Variants in BMPR1B observed in about 807,000 individuals in gnomAD.
BMPR1B encodes bone morphogenetic protein receptor type-1B.
BMPR1B carries 12 observed loss-of-function variants against 59.1 expected under a neutral mutation model. The ratio of observed to expected loss-of-function variants is 0.20; its 90% CI spans 0.13 to 0.33. The LOEUF (loss-of-function observed/expected upper bound fraction) is 0.33. Ranked by LOEUF, BMPR1B falls within the 10% of genes least tolerant of loss-of-function variation. The probability of loss-of-function intolerance (pLI) is 1.00; values close to 1 mark genes in which losing one functional copy is unlikely to be tolerated. For missense variants in BMPR1B, 550 were observed against 610.9 expected (o/e 0.90, Z 1.05); for synonymous variants, 237 against 207.3 (o/e 1.14, Z -1.23).
At position 94,927,898 on chromosome 4, in the gene BMPR1B, C is replaced by T. The variant is rs150030282; in HGVS notation, c.-113+51998C>T. Among the ~76,000 whole-genome samples the T allele has an allele frequency of 1.7e-3, 260 of 152,150 alleles. 3 individuals carry two copies. The Middle Eastern group carries it at 0.02, about 12-fold the overall frequency. ...TAAAGAAAGAGACCATTGCCTGGCACATCGAGTATGTGGAATCCATTGTAT... is the reference window on the plus strand; with the variant it reads ...TAAAGAAAGAGACCATTGCCTGGCATATCGAGTATGTGGAATCCATTGTAT... On this transcript the variant is annotated intron_variant, in intron 2 of 12. Transcript: ENST00000515059.
Position 94,814,446 on chromosome 4 carries a change from A to G in BMPR1B, c.-183+56378A>G, listed in dbSNP as rs145416090. On this transcript the variant is annotated intron_variant, in intron 1 of 12. Transcript: ENST00000515059. ...CTGACAGGCTCATACAGTGAGTGCC[A>G]AAGAGAATAATTGCTTGGTGGTTAG... Among the ~76,000 whole-genome samples, 174 of 152,356 alleles carry G rather than the reference A, an allele frequency of 1.1e-3. 1 individual carries two copies. The highest frequency in any genetic ancestry group is 3.8e-3 in the African/African-American group (159 of 41,576).
chr4:94,995,403 ATTAC>A (rs1284905820), intron 2 of BMPR1B, among the ~76,000 whole-genome samples: 2 of 151,944 alleles, frequency 1.3e-5, no homozygotes, highest in African/African-American at 4.8e-5. Flanking sequence ...TTTGTGACCA[ATTAC>A]TTAGTCACTG....
chr4:94,761,793 C>A (rs1721783701), intron 1 of BMPR1B, among the ~76,000 whole-genome samples: 1 of 151,992 alleles, frequency 6.6e-6, no homozygotes, highest in Non-Finnish European at 1.5e-5. Context: ...CTTAGAGATA[C>A]TATTAATAAT....
chr4:94,767,893 C>A (rs1233460945), intron 1 of BMPR1B, among the ~76,000 whole-genome samples: 1 of 151,954 alleles, frequency 6.6e-6, no homozygotes, highest in Non-Finnish European at 1.5e-5. Context: ...GTTGTAAAAA[C>A]TTCTTAATTC....
intron 4 of BMPR1B, among the ~76,000 whole-genome samples, chr4:95,113,984 C>G (rs1376316785): frequency 6.6e-6 from 1 of 151,970 alleles, no homozygotes; most frequent in Non-Finnish European, 1.5e-5. Context: ...AATTTTATTT[C>G]CTCTCCACTG....
intron 10 of BMPR1B, among the ~76,000 whole-genome samples, chr4:95,135,165 T>G (rs987215728): frequency 6.6e-6 from 1 of 152,210 alleles, no homozygotes; most frequent in Non-Finnish European, 1.5e-5. Context: ...AAGGGTCAGA[T>G]AGTTGTAGAT....
chr4:94,862,178 T>C (rs1421514365), intron 1 of BMPR1B, among the ~76,000 whole-genome samples: 8 of 150,774 alleles, frequency 5.3e-5, no homozygotes, highest in Non-Finnish European at 8.9e-5. Flanking sequence ...TGAGATGGAG[T>C]CTTGCTGTGT....
At chr4:94,942,924 C>T (rs1014720048) in intron 2 of BMPR1B, among the ~76,000 whole-genome samples, 1 of 152,162 alleles carries the variant, frequency 6.6e-6, no homozygotes, top group Non-Finnish European at 1.5e-5. Context: ...ATACATGATA[C>T]TGTATTGTAG....
chr4:94,843,188 C>G (rs1578709263), intron 1 of BMPR1B, among the ~76,000 whole-genome samples: 1 of 152,200 alleles, frequency 6.6e-6, no homozygotes, highest in Non-Finnish European at 1.5e-5. Context: ...GGCAGACTGA[C>G]TCTGACATCC....
At chr4:94,978,859 C>T (rs1024769803) in intron 2 of BMPR1B, among the ~76,000 whole-genome samples, 15 of 151,770 alleles carry the variant, frequency 9.9e-5, no homozygotes, top group African/African-American at 3.6e-4. Context: ...TTCCACATGG[C>T]TGGGGAGGCC....
chr4:94,889,533 A>G (rs1449562974), intron 2 of BMPR1B, among the ~76,000 whole-genome samples: 2 of 152,152 alleles, frequency 1.3e-5, no homozygotes, highest in Non-Finnish European at 2.9e-5. Flanking sequence ...GTGTTTATCA[A>G]AAACAAATAA....
At chr4:94,903,962 C>G (rs1727931015) in intron 2 of BMPR1B, among the ~76,000 whole-genome samples, 1 of 152,004 alleles carries the variant, frequency 6.6e-6, no homozygotes, top group Non-Finnish European at 1.5e-5. Context: ...CACAGCAGCC[C>G]TAGCAAACTA....
intron 3 of BMPR1B, among the ~76,000 whole-genome samples, chr4:95,055,945 A>G (rs1726897152): frequency 6.6e-6 from 1 of 152,204 alleles, no homozygotes; most frequent in Admixed American, 6.5e-5. Flanking sequence ...CAGATATTTT[A>G]TTGATTTAGA....
intron 2 of BMPR1B, among the ~76,000 whole-genome samples, chr4:94,913,846 G>T (rs963956185): frequency 6.6e-6 from 1 of 152,112 alleles, no homozygotes; most frequent in African/African-American, 2.4e-5. Flanking sequence ...GCCATGTGTG[G>T]CTATTGAGCT....
intron 3 of BMPR1B, among the ~76,000 whole-genome samples, chr4:95,008,486 A>G (rs1306895502): frequency 6.6e-6 from 1 of 152,122 alleles, no homozygotes. Context: ...GAAAGTGCAG[A>G]TTGTTACTAC....
chr4:95,031,876 T>C (rs1724885011), intron 3 of BMPR1B, among the ~76,000 whole-genome samples: 1 of 152,102 alleles, frequency 6.6e-6, no homozygotes, highest in East Asian at 1.9e-4. Context: ...CCAGTGAGAA[T>C]GGTCGTGCCA....
rs1014711265 is a variant in BMPR1B at position 94,775,015 on chromosome 4, G to GA, written c.-183+16954dup. Among the ~76,000 whole-genome samples, 5 of 152,076 alleles carry GA rather than the reference G, an allele frequency of 3.3e-5. No individual in the cohort carries two copies. In the East Asian group the frequency reaches 7.7e-4, roughly 23 times the overall value. ...AATTGCATTCTGGGACACGAAAAAG[G>GA]AAAAAAATTCTCTTCTGTATTTTGA... On this transcript the variant is annotated intron_variant, in intron 1 of 12. Transcript: ENST00000515059.
In BMPR1B at chr4:94,917,348, G is replaced by A. The variant is rs115406019; in HGVS notation, c.-113+41448G>A. 4.2e-3 allele frequency among the ~76,000 whole-genome samples: 635 copies of A among 152,310 alleles called. 4 individuals carry two copies. Among genetic ancestry groups the A allele is most frequent in the African/African-American group, 0.015 (610 of 41,568 alleles). The stretch of plus-strand genomic sequence containing the variant: ...CACCCTGTGCCTGGAAAAGCCAGAG[G>A]CATTTAACTTCAACCTGTGAGAGCA... On this transcript the variant is annotated intron_variant, in intron 2 of 12. Transcript: ENST00000515059.
intron 3 of BMPR1B, among the ~76,000 whole-genome samples, chr4:95,061,192 CACACACACACA>C (rs1466933775): frequency 3.4e-5 from 4 of 115,972 alleles, no homozygotes; most frequent in Admixed American, 8.7e-5. Context: ...CACACACACA[CACACACACACA>C]CACACACCAC....
Sources: gnomAD v4.1 joint callset for allele counts (sites outside exome capture counted in the v4.1 genomes callset) on GRCh38, gnomAD v4.1.1 for gene constraint, MANE v1.5 for transcripts, NCBI Gene and HGNC (gene_info 2026-07-23, HGNC 2026-07-21) for gene names.